Variants in SCRIB observed in about 807,000 individuals in gnomAD.
The protein encoded by SCRIB is scribble planar cell polarity protein.
SCRIB carries 72 observed loss-of-function variants against 170.0 expected under a neutral mutation model. That is an observed-to-expected ratio of 0.42 (90% CI 0.35 to 0.52). The LOEUF is 0.52. SCRIB is among the 20% of genes least tolerant of loss of function. The pLI is 0.02. For missense variants in SCRIB, 2,475 were observed against 2,338.5 expected (o/e 1.06, Z -1.20); for synonymous variants, 1,298 against 1,044.3 (o/e 1.24, Z -4.68).
chr8:143,813,212 C>G, intron 6 of SCRIB, 99 bp downstream of exon 6: 3 of 1,589,190 alleles, frequency 1.9e-6, no homozygotes, highest in East Asian at 2.2e-5. Flanking sequence ...CCTGCCCTCC[C>G]GAGGTGCCCC....
chr8:143,792,446 G>A (rs782658417), intron 31 of SCRIB, 39 bp downstream of exon 31: 27 of 1,511,828 alleles, frequency 1.8e-5, no homozygotes, highest in South Asian at 2.6e-5. Context: ...GCAGGGGCAC[G>A]TGGGGTGAGT....
rs1815484599 is a variant in SCRIB at position 143,807,558 on chromosome 8, C to T, written c.2172G>A (p.Glu724=). 6.2e-7 allele frequency: 1 copy of T among 1,613,724 alleles called. No individual in the cohort carries two copies. Among genetic ancestry groups the T allele is most frequent in the East Asian group, 2.2e-5 (1 of 44,864 alleles). Residue 724 remains glutamate, a synonymous_variant, in exon 16 of 37, where the codon GAG becomes GAA. Coordinates refer to ENST00000356994, the MANE Select transcript of SCRIB (RefSeq NM_182706.5). ...CAGAGCGAGCAGTACAGACCTCTTCCTCCTCAATGCGAGCAGGCTCTATCA... is the reference window on the plus strand; with the variant it reads ...CAGAGCGAGCAGTACAGACCTCTTCTTCCTCAATGCGAGCAGGCTCTATCA... The part of the protein sequence containing the change: ...NLLIEPARIE[E]EELTLTILRQ...
chr8:143,807,592 T>C lies in SCRIB; in HGVS notation c.2138A>G (p.Asn713Ser), dbSNP rs782321933. 2 of 1,613,996 alleles carry C rather than the reference T, an allele frequency of 1.2e-6. No individual in the cohort carries two copies. Among genetic ancestry groups the C allele is most frequent in the African/African-American group, 1.3e-5 (1 of 75,024 alleles). ...SVKGVSFDQANNLLIEPARIE... is the reference protein window; with the variant it reads ...SVKGVSFDQASNLLIEPARIE... Reference sequence around the variant, plus strand: ...GCGAGCAGGCTCTATCAGCAGGTTATTGGCCTGGTCAAACGACACTCCCTG... The same window carrying C: ...GCGAGCAGGCTCTATCAGCAGGTTACTGGCCTGGTCAAACGACACTCCCTG... The change falls in exon 16 of 37, where the codon AAT (asparagine) becomes AGT (serine). Residue 713 changes from asparagine to serine, a missense_variant. Around this residue, in one of 3 missense-constraint regions of SCRIB, gnomAD observed 1,966 missense variants for 1,742.9 expected, o/e 1.13. Transcript: ENST00000356994.
At chr8:143,812,111 G>A (rs904336951) in intron 9 of SCRIB, among the ~76,000 whole-genome samples, 155 bp downstream of exon 9, 6 of 152,160 alleles carry the variant, frequency 3.9e-5, no homozygotes, top group African/African-American at 1.4e-4. Flanking sequence ...CCTCCGGCCA[G>A]CATGCTCCCC....
At position 143,810,472 on chromosome 8, in the gene SCRIB, T is replaced by C. The variant is rs1470995083; in HGVS notation, c.1530+7A>G. On this transcript the variant is annotated splice_region_variant and intron_variant, in intron 13 of 36. Coordinates refer to ENST00000356994, the MANE Select transcript of SCRIB (RefSeq NM_182706.5). ...GGCCCGCCAGGTTGCCGTGGCTCCA[T>C]GCCCACCTCCTCTGCAGGCAAGGGC... 1.9e-6 allele frequency: 3 copies of C among 1,605,750 alleles called. No homozygotes were observed. The highest frequency in any genetic ancestry group is 1.3e-5 in the African/African-American group (1 of 75,012).
In SCRIB at chr8:143,815,625, C is replaced by A. The variant is rs1816060798; in HGVS notation, c.-253G>T. ...TCTTAGGAAGCGCGGGGAGCGGCGGCGGCGGCGGCTCCGCATCCCGCTTGG... is the reference window on the plus strand; with the variant it reads ...TCTTAGGAAGCGCGGGGAGCGGCGGAGGCGGCGGCTCCGCATCCCGCTTGG... On this transcript the variant is annotated 5_prime_UTR_variant, in exon 1 of 37. Coordinates refer to ENST00000356994, the MANE Select transcript of SCRIB (RefSeq NM_182706.5). The A allele has an allele frequency of 1.0e-6, 1 of 982,516 alleles. No individual in the cohort carries two copies. The highest frequency in any genetic ancestry group is 1.2e-6 in the Non-Finnish European group (1 of 828,640). 60.9% of individuals were successfully genotyped at this position (982,516 alleles called of 1,614,324 possible).
intron 24 of SCRIB, among the ~76,000 whole-genome samples, chr8:143,802,198 C>T (rs1339603638): frequency 6.6e-6 from 1 of 152,250 alleles, no homozygotes; most frequent in Non-Finnish European, 1.5e-5. Flanking sequence ...CAGGAGGGGA[C>T]CCGGTGGGTG....
intron 25 of SCRIB, 36 bp from the exon 26 acceptor site, chr8:143,795,369 C>T: frequency 1.2e-6 from 2 of 1,612,498 alleles, no homozygotes; most frequent in Non-Finnish European, 1.7e-6. Context: ...TCAGGCACCA[C>T]CGGCCTCGGG....
In SCRIB at chr8:143,808,672, C is replaced by T; in HGVS notation, c.2052G>A (p.Glu684=). The stretch of plus-strand genomic sequence containing the variant: ...CCTCCTCCTCAGTGCTGGCCTCTTC[C>T]TCTTCAGCCCTGTTTTCCTCCTCCT... ...EEEEEENRAE[E]EEASTEEEDK... is the part of the protein sequence containing the mutation. The change falls in exon 15 of 37, where the codon GAG becomes GAA. Residue 684 remains glutamate (E), a synonymous_variant. Transcript: ENST00000356994. 1 of 1,536,472 alleles carries T rather than the reference C, an allele frequency of 6.5e-7. No homozygotes were observed. Among genetic ancestry groups the T allele is most frequent in the Non-Finnish European group, 8.7e-7 (1 of 1,144,666 alleles).
Position 143,810,502 on chromosome 8 carries a change from C to A in SCRIB, c.1507G>T (p.Gly503Trp), listed in dbSNP as rs771891869. 1.2e-6 allele frequency: 2 copies of A among 1,611,254 alleles called. No homozygotes were observed. Among genetic ancestry groups the A allele is most frequent in the South Asian group, 2.2e-5 (2 of 91,070 alleles). Reference protein sequence around the residue: ...SEACPCQPDSGSPLPAEEEKR... With the variant: ...SEACPCQPDSWSPLPAEEEKR... ...ACCTCCTCTGCAGGCAAGGGCGACC[C>A]AGAGTCTGGCTGGCAAGGGCAGGCC... The change falls in exon 13 of 37, where the codon GGG becomes TGG. Residue 503 changes from glycine to tryptophan, a missense_variant. Physicochemically the swap from Gly to Trp is radical, Grantham distance 184. Transcript: ENST00000356994.
intron 24 of SCRIB, 108 bp from the exon 25 acceptor site, chr8:143,795,638 G>T: frequency 1.0e-6 from 1 of 971,136 alleles, no homozygotes; most frequent in Non-Finnish European, 1.6e-6. Context: ...GAGCCCAGGA[G>T]CCGCGTCCCT....
intron 24 of SCRIB, among the ~76,000 whole-genome samples, chr8:143,802,898 C>T (rs1815232966): frequency 6.6e-6 from 1 of 152,196 alleles, no homozygotes; most frequent in Non-Finnish European, 1.5e-5. Flanking sequence ...GTTGAGGGGT[C>T]ACCAGAGGGG....
At chr8:143,795,386 G>GGA in intron 25 of SCRIB, 34 bp downstream of exon 25, 2 of 1,612,652 alleles carry the variant, frequency 1.2e-6, no homozygotes, top group African/African-American at 2.7e-5. Context: ...CGGGCTCCCT[G>GGA]GCCCTGGGGC....
rs1343036193 is a variant in SCRIB at position 143,811,045 on chromosome 8, G to A, written c.1134C>T (p.Thr378=). The A allele has an allele frequency of 1.2e-6, 2 of 1,612,224 alleles. No homozygotes were observed. The highest frequency in any genetic ancestry group is 1.7e-6 in the Non-Finnish European group (2 of 1,179,636). ...NRLQSLPFAL[T]HLNLKALWLA... is the part of the protein sequence containing the mutation. ...GCCACAGGGCCTTGAGATTGAGGTG[G>A]GTGAGCGCGAACGGCAGACTCTGCA... is the stretch of plus-strand genomic sequence containing the variant. Residue 378 remains threonine (T), a synonymous_variant, in exon 11 of 37, where the codon ACC becomes ACT. Coordinates refer to ENST00000356994, the MANE Select transcript of SCRIB (RefSeq NM_182706.5).
At position 143,792,352 on chromosome 8, in the gene SCRIB, G is replaced by A. The variant is rs986200183; in HGVS notation, c.4382C>T (p.Ala1461Val). Residue 1461 changes from alanine (A) to valine (V), a missense_variant, in exon 32 of 37, where the codon GCC becomes GTC. Ala to Val is a moderately conservative substitution (Grantham distance 64). Coordinates refer to ENST00000356994, the MANE Select transcript of SCRIB (RefSeq NM_182706.5). ...CTCCTGGTGGCGCCGTTCAGCTTTG[G>A]CCGTCCGCACCGGGGCGCCACCTCC... is the stretch of plus-strand genomic sequence containing the variant. ...PLGGGAPVRT[A>V]KAERRHQERL... 4 of 1,537,752 alleles carry A rather than the reference G, an allele frequency of 2.6e-6. No individual in the cohort carries two copies. Among genetic ancestry groups the A allele is most frequent in the Admixed American group, 3.9e-5 (2 of 51,132 alleles).
chr8:143,810,870 C>T, intron 11 of SCRIB, 36 bp downstream of exon 11: 1 of 1,608,022 alleles, frequency 6.2e-7, no homozygotes, highest in Non-Finnish European at 8.5e-7. Flanking sequence ...TGCCTGAGAG[C>T]CACCCCGCGC....
At chr8:143,804,253 G>A (rs918735372) in intron 21 of SCRIB, 97 bp from the exon 22 acceptor site, 14 of 923,882 alleles carry the variant, frequency 1.5e-5, no homozygotes, top group Admixed American at 2.9e-5. Context: ...TGGGGATGGC[G>A]GGCGGGGGCT....
rs782102800 is a variant in SCRIB, at chr8:143,803,636, G to C, written c.3414+11C>G. Reference sequence around the variant, plus strand: ...TGGGGCCCAGGGCGGGCTGGGGTGGGGGGGGCTCACCTTGGAGATGAAGAT... The same window carrying C: ...TGGGGCCCAGGGCGGGCTGGGGTGGCGGGGGCTCACCTTGGAGATGAAGAT... On this transcript the variant is annotated intron_variant, in intron 23 of 36. Transcript: ENST00000356994. 2.4e-4 allele frequency: 374 copies of C among 1,533,146 alleles called. No individual in the cohort carries two copies. The highest frequency in any genetic ancestry group is 3.1e-4 in the Non-Finnish European group (358 of 1,139,660). 95.0% of individuals were successfully genotyped at this position (1,533,146 alleles called of 1,614,324 possible).
At chr8:143,792,185 G>A in intron 32 of SCRIB, 35 bp downstream of exon 32, 1 of 1,553,852 alleles carries the variant, frequency 6.4e-7, no homozygotes, top group Non-Finnish European at 8.7e-7. Flanking sequence ...GGGACAGGCA[G>A]CAGGGCGGGG....
Sources: gnomAD v4.1 joint callset for allele counts (sites outside exome capture counted in the v4.1 genomes callset) on GRCh38, gnomAD v4.1.1 for gene constraint, gnomAD v4.1.1 regional missense constraint, MANE v1.5 for transcripts, NCBI Gene and HGNC (gene_info 2026-07-23, HGNC 2026-07-21) for gene names.